Variants in ANKFY1 observed in about 807,000 individuals in gnomAD.
The protein encoded by ANKFY1 is ankyrin repeat and FYVE domain containing 1, also known as ankyrin repeat and FYVE domain-containing protein 1.
A neutral mutation model predicts 128.3 loss-of-function variants in ANKFY1; 47 were observed. The observed-to-expected ratio is 0.37, with a 90% CI of 0.29 to 0.47. The LOEUF is 0.47. ANKFY1 is among the 20% of genes least tolerant of loss of function. The pLI, the probability that ANKFY1 is intolerant of heterozygous loss-of-function variation, is 1.00. For synonymous variants in ANKFY1, 553 were observed against 601.6 expected (o/e 0.92, Z 1.18); for missense variants, 1,222 against 1,510.6 (o/e 0.81, Z 3.17).
At position 4,189,583 on chromosome 17, in the gene ANKFY1, GCCAGACAGTAGGCCCACA is replaced by G. The variant is rs1382477886; in HGVS notation, c.1373-122_1373-105del. 1.3e-4 allele frequency: 133 copies of G among 1,015,308 alleles called. 4 individuals carry two copies. The South Asian group carries it at 1.7e-3, about 13-fold the overall frequency. The allele number at this position is 1,015,308 out of a possible 1,614,324, so 62.9% of individuals were successfully genotyped here. A position where few individuals can be genotyped will look rare whatever the true frequency, so the allele number is the denominator to read the frequency against. ...GCCACCCTATGACTGGCAAGCCCAC[GCCAGACAGTAGGCCCACA>G]CCAGACAGTAGGCCCACGCCAGACA... On this transcript the variant is annotated intron_variant, in intron 10 of 24. Transcript: ENST00000341657.
chr17:4,242,262 T>C lies in ANKFY1; in HGVS notation c.197A>G (p.Gln66Arg), dbSNP rs766104007. ...TGTCTAGGAGCTCTCCCACCTGTAC[T>C]GCTCCTGCTCGTAGAGGTCTGCCAC... ...AIVADLYEQE[Q>R]YSDLKIKVGD... The change falls in exon 2 of 25, where the codon CAG (glutamine) becomes CGG (arginine). Residue 66 changes from glutamine to arginine, a missense_variant. Physicochemically the swap from Gln to Arg is conservative, Grantham distance 43. Transcript: ENST00000341657. 6.3e-6 allele frequency: 10 copies of C among 1,576,822 alleles called. No individual in the cohort carries two copies. The highest frequency in any genetic ancestry group is 8.6e-6 in the Non-Finnish European group (10 of 1,166,520).
chr17:4,222,187 C>T (rs1196337735), intron 3 of ANKFY1: 2 of 162,684 alleles, frequency 1.2e-5, no homozygotes, highest in Non-Finnish European at 2.6e-5. Context: ...GCTGCTGCTA[C>T]CCCTGCTGCC....
chr17:4,260,014 A>T (rs1184872704), intron 1 of ANKFY1, among the ~76,000 whole-genome samples: 2 of 152,232 alleles, frequency 1.3e-5, no homozygotes, highest in Non-Finnish European at 2.9e-5. Context: ...GCACACACAA[A>T]GAACGCAAAA....
intron 3 of ANKFY1, 23 bp from the exon 4 acceptor site, chr17:4,217,141 A>C: frequency 6.2e-7 from 1 of 1,603,678 alleles, no homozygotes; most frequent in South Asian, 1.1e-5. Flanking sequence ...AGAGAGAACA[A>C]CTGAAAAAGC....
At chr17:4,227,171 T>C (rs1050504527) in intron 3 of ANKFY1, among the ~76,000 whole-genome samples, 1 of 152,120 alleles carries the variant, frequency 6.6e-6, no homozygotes, top group African/African-American at 2.4e-5. Context: ...ATAACATCAA[T>C]CTTAGAAAAC....
chr17:4,206,968 T>C (rs1046617406), intron 6 of ANKFY1, among the ~76,000 whole-genome samples: 2 of 152,130 alleles, frequency 1.3e-5, no homozygotes, highest in Non-Finnish European at 2.9e-5. Context: ...TGGGCAGAAT[T>C]ATCACCCCCC....
rs1485966699 is a variant in ANKFY1 at position 4,197,482 on chromosome 17, A to G, written c.994T>C (p.Leu332=). 3 of 1,614,100 alleles carry G rather than the reference A, an allele frequency of 1.9e-6. No individual in the cohort carries two copies. The highest frequency in any genetic ancestry group is 2.5e-6 in the Non-Finnish European group (3 of 1,180,048). ...GCTGAGTGTTTCTTTGAACTGTACA[A>G]GGCCACAAGGTGCAGTGGTGTCTCC... ...AQETPLHLVA[L]YSSKKHSADV... is the part of the protein sequence containing the mutation. Residue 332 remains leucine (L), a synonymous_variant, in exon 8 of 25, where the codon TTG becomes CTG. Coordinates refer to ENST00000341657, the MANE Select transcript of ANKFY1 (RefSeq NM_001330063.2).
In ANKFY1 at chr17:4,260,618, CAAAAAAA is replaced by C. The variant is rs60030304; in HGVS notation, c.10+3307_10+3313del. ...GGGTGACGGAGTGAGATCCTGTCTC[CAAAAAAA>C]AAAAAAAAAAAAAAAAACCCACAAA... is the stretch of plus-strand genomic sequence containing the variant. On this transcript the variant is annotated intron_variant, in intron 1 of 24. Transcript: ENST00000341657. Among the ~76,000 whole-genome samples, 9 of 65,072 alleles carry C rather than the reference CAAAAAAA, an allele frequency of 1.4e-4. No homozygotes were observed. The South Asian group carries it at 4.0e-3, about 29-fold the overall frequency. 42.7% of individuals were successfully genotyped at this position (65,072 alleles called of 152,430 possible).
intron 1 of ANKFY1, among the ~76,000 whole-genome samples, chr17:4,256,958 C>G (rs1298300605): frequency 6.6e-6 from 1 of 152,170 alleles, no homozygotes; most frequent in Non-Finnish European, 1.5e-5. Flanking sequence ...AGCTAACTAG[C>G]CATTTCCACC....
At chr17:4,202,268 G>A (rs1249672351) in intron 7 of ANKFY1, among the ~76,000 whole-genome samples, 1 of 152,098 alleles carries the variant, frequency 6.6e-6, no homozygotes, top group Non-Finnish European at 1.5e-5. Context: ...AAGCGTAGTG[G>A]CATGTGCCTG....
rs2059563540 is a variant in ANKFY1, at chr17:4,183,921, GA to G, written c.1700-12del. 6.2e-7 allele frequency: 1 copy of G among 1,601,642 alleles called. No homozygotes were observed. The highest frequency in any genetic ancestry group is 8.6e-7 in the Non-Finnish European group (1 of 1,168,944). On this transcript the variant is annotated splice_polypyrimidine_tract_variant and intron_variant, in intron 12 of 24. Transcript: ENST00000341657. Reference sequence around the variant, plus strand: ...CATGAAGAGCATTGGCTAAATGTTTGAAAAAGTAAAAGAACACTTGATGTCA... The same window carrying G: ...CATGAAGAGCATTGGCTAAATGTTTGAAAAGTAAAAGAACACTTGATGTCA...
chr17:4,254,945 G>A (rs1968037467), intron 1 of ANKFY1, among the ~76,000 whole-genome samples: 1 of 152,046 alleles, frequency 6.6e-6, no homozygotes, highest in Admixed American at 6.5e-5. Flanking sequence ...ATTAGCAGAA[G>A]ACAGACTCAA....
Position 4,166,042 on chromosome 17 carries a change from A to T in ANKFY1, c.*1737T>A, listed in dbSNP as rs551380126. On this transcript the variant is annotated 3_prime_UTR_variant, in exon 25 of 25. Transcript: ENST00000341657. ...TTTTCTTTTAAACATTCTGTATGAA[A>T]TATGTCAGACTGGGGGACGGGGGAT... 6.6e-6 allele frequency: 1 copy of T among 152,344 alleles called. No homozygotes were observed. The highest frequency in any genetic ancestry group is 1.9e-4 in the East Asian group (1 of 5,190). 9.4% of individuals were successfully genotyped at this position (152,344 alleles called of 1,614,324 possible).
At chr17:4,194,937 G>A (rs2059789064) in intron 10 of ANKFY1, 41 bp downstream of exon 10, 2 of 1,607,538 alleles carry the variant, frequency 1.2e-6, no homozygotes, top group Non-Finnish European at 1.7e-6. Context: ...CCTGGCGCCT[G>A]CAGACCCCAG....
chr17:4,166,170 C>G lies in ANKFY1; in HGVS notation c.*1609G>C, dbSNP rs1364204794. On this transcript the variant is annotated 3_prime_UTR_variant, in exon 25 of 25. Transcript: ENST00000341657. ...ATCACAGACTTTTTTTTAAGTAGTA[C>G]TCCAGTTTATCAGCTCATTTTACAC... 6.6e-6 allele frequency: 1 copy of G among 152,060 alleles called. No individual in the cohort carries two copies. Among genetic ancestry groups the G allele is most frequent in the African/African-American group, 2.4e-5 (1 of 41,384 alleles). 9.4% of individuals were successfully genotyped at this position (152,060 alleles called of 1,614,324 possible).
At chr17:4,256,937 T>C (rs113982421) in intron 1 of ANKFY1, among the ~76,000 whole-genome samples, 3,262 of 152,264 alleles carry the variant, frequency 0.021, 126 homozygotes, top group African/African-American at 0.075. Context: ...AAGAGATGCA[T>C]AACAAATATT....
chr17:4,187,553 A>G, intron 11 of ANKFY1: 2 of 343,708 alleles, frequency 5.8e-6, no homozygotes, highest in East Asian at 8.6e-5. Flanking sequence ...CAGTGCTTTC[A>G]AGTGAGGCCT....
At chr17:4,251,535 T>TAAAAAAAAAA (rs71144176) in intron 1 of ANKFY1, among the ~76,000 whole-genome samples, 1 of 130,884 alleles carries the variant, frequency 7.6e-6, no homozygotes, top group African/African-American at 2.9e-5. Context: ...AAATAAAAAT[T>TAAAAAAAAAA]AAAAAAAAAA....
chr17:4,208,874 C>T (rs1031921567), intron 5 of ANKFY1, among the ~76,000 whole-genome samples: 1 of 152,080 alleles, frequency 6.6e-6, no homozygotes, highest in Non-Finnish European at 1.5e-5. Context: ...GCCTGACCAA[C>T]GTGGAGAAAC....
Sources: allele counts gnomAD v4.1 joint callset (sites outside exome capture counted in the v4.1 genomes callset), GRCh38; gene constraint gnomAD v4.1.1; transcripts MANE v1.5; gene names NCBI Gene and HGNC (gene_info 2026-07-23, HGNC 2026-07-21).